Variants in SGSM1 observed in about 807,000 individuals in gnomAD.
SGSM1 encodes the protein small G protein signaling modulator 1.
SGSM1 carries 73 observed loss-of-function variants against 133.8 expected under a neutral mutation model. That is an observed-to-expected ratio of 0.55 (90% CI 0.45 to 0.66). The LOEUF is 0.66. SGSM1 is among the 30% of genes least tolerant of loss of function. The pLI, the probability that SGSM1 is intolerant of heterozygous loss-of-function variation, is 0.00. For synonymous variants in SGSM1, 563 were observed against 573.0 expected (o/e 0.98, Z 0.25); for missense variants, 1,213 against 1,448.1 (o/e 0.84, Z 2.64).
intron 6 of SGSM1, 29 bp downstream of exon 6, chr22:24,855,092 CT>C (rs758598322): frequency 1.9e-6 from 3 of 1,607,368 alleles, no homozygotes; most frequent in Admixed American, 1.7e-5. Flanking sequence ...TGAGCTTCAT[CT>C]AGACCCGTGG....
chr22:24,872,248 G>A (rs16979118), intron 12 of SGSM1, among the ~76,000 whole-genome samples: 22,334 of 152,154 alleles, frequency 0.15, 2,196 homozygotes, highest in African/African-American at 0.28. Context: ...CATCAGACCT[G>A]TCTCCGCTGG....
intron 22 of SGSM1, among the ~76,000 whole-genome samples, chr22:24,913,680 T>A (rs527865363): frequency 1.1e-4 from 16 of 152,220 alleles, no homozygotes; most frequent in African/African-American, 3.9e-4. Flanking sequence ...AAAAGAGTAA[T>A]ATAATGAACA....
At position 24,898,566 on chromosome 22, in the gene SGSM1, C is replaced by A; in HGVS notation, c.2610+7C>A. 1 of 1,585,210 alleles carries A rather than the reference C, an allele frequency of 6.3e-7. No homozygotes were observed. Among genetic ancestry groups the A allele is most frequent in the Non-Finnish European group, 8.6e-7 (1 of 1,164,710 alleles). ...CAGCGGCGTCACCTACTCTGTAAGT[C>A]ACCAGGACCCTCCGTTCCATTTCCT... is the stretch of plus-strand genomic sequence containing the variant. On this transcript the variant is annotated splice_region_variant and intron_variant, in intron 19 of 24. Coordinates refer to ENST00000400358, the MANE Select transcript of SGSM1 (RefSeq NM_001098497.3).
At chr22:24,888,228 G>A (rs866282709) in intron 16 of SGSM1, among the ~76,000 whole-genome samples, 52 of 152,064 alleles carry the variant, frequency 3.4e-4, no homozygotes, top group Admixed American at 2.0e-3. Context: ...TTCCTTTTAT[G>A]AATTGTGCTT....
At chr22:24,831,981 C>T (rs1441914790) in intron 2 of SGSM1, among the ~76,000 whole-genome samples, 2 of 152,222 alleles carry the variant, frequency 1.3e-5, no homozygotes, top group African/African-American at 4.8e-5. Context: ...GTGCATCATT[C>T]ATCCCACCCA....
chr22:24,893,583 G>A lies in SGSM1; in HGVS notation c.1923G>A (p.Met641Ile), dbSNP rs1295487116. ...GCTTGGACAGCCACCTGCACCGGAT[G>A]TTGCACAGGGACTCAACCATCAGCA... ...GASLDSHLHR[M>I]LHRDSTISNE... The change falls in exon 17 of 25, where the codon ATG becomes ATA. Residue 641 changes from methionine to isoleucine, a missense_variant. By Grantham distance (10) the Met-to-Ile change is conservative (BLOSUM62 1). Transcript: ENST00000400358. 3.2e-6 allele frequency: 5 copies of A among 1,586,656 alleles called. No individual in the cohort carries two copies. Among genetic ancestry groups the A allele is most frequent in the East Asian group, 2.2e-5 (1 of 44,702 alleles).
At chr22:24,900,414 T>TCTTCTTTCTTTCTTTCTTTC (rs1484572431) in intron 19 of SGSM1, among the ~76,000 whole-genome samples, 1 of 146,266 alleles carries the variant, frequency 6.8e-6, no homozygotes, top group African/African-American at 2.6e-5. Flanking sequence ...TTTCTGTATT[T>TCTTCTTTCTTTCTTTCTTTC]TTGAGACAGA....
At position 24,834,332 on chromosome 22, in the gene SGSM1, A is replaced by G. The variant is rs570716088; in HGVS notation, c.64-10565A>G. ...GAAGTAGACCAGCCTGCTGGAGCCAAACATTCTTGTGCAGGGTTGGCCCTC... is the reference window on the plus strand; with the variant it reads ...GAAGTAGACCAGCCTGCTGGAGCCAGACATTCTTGTGCAGGGTTGGCCCTC... On this transcript the variant is annotated intron_variant, in intron 2 of 24. Transcript: ENST00000400358. 5.3e-5 allele frequency among the ~76,000 whole-genome samples: 8 copies of G among 152,362 alleles called. No individual in the cohort carries two copies. The East Asian group carries it at 1.3e-3, about 26-fold the overall frequency.
chr22:24,818,236 A>T lies in SGSM1; in HGVS notation c.63+11752A>T, dbSNP rs563257508. Among the ~76,000 whole-genome samples, 796 of 148,962 alleles carry T rather than the reference A, an allele frequency of 5.3e-3. 9 individuals are homozygous for T. Among genetic ancestry groups the T allele is most frequent in the African/African-American group, 0.018 (714 of 40,134 alleles). On this transcript the variant is annotated intron_variant, in intron 2 of 24. Transcript: ENST00000400358. ...AACAGAGCAAGACTCTGTCTCAAAA[A>T]AAAAAAAAATAAAATAAAATAAAAC...
intron 5 of SGSM1, among the ~76,000 whole-genome samples, chr22:24,851,408 C>T (rs1035286510): frequency 2.2e-5 from 3 of 139,176 alleles, no homozygotes; most frequent in Admixed American, 7.4e-5. Flanking sequence ...GCATGCCTCT[C>T]CAGCCCCCAA....
chr22:24,887,901 G>C (rs1489287280), intron 16 of SGSM1, among the ~76,000 whole-genome samples: 1 of 152,234 alleles, frequency 6.6e-6, no homozygotes, highest in African/African-American at 2.4e-5. Flanking sequence ...ACCTGACATG[G>C]ATAATTGATA....
chr22:24,875,489 T>C (rs1485828664), intron 12 of SGSM1, among the ~76,000 whole-genome samples: 1 of 152,034 alleles, frequency 6.6e-6, no homozygotes, highest in Non-Finnish European at 1.5e-5. Flanking sequence ...CACTAAAATA[T>C]TTACTAGCTG....
rs916518842 is a variant in SGSM1 at position 24,853,139 on chromosome 22, G to A, written c.456-1857G>A. Among the ~76,000 whole-genome samples, 3 of 152,168 alleles carry A rather than the reference G, an allele frequency of 2.0e-5. No homozygotes were observed. In the East Asian group the frequency reaches 5.8e-4, roughly 29 times the overall value. On this transcript the variant is annotated intron_variant, in intron 5 of 24. Transcript: ENST00000400358. ...GCTGAGGACCAAAGCTCAGAGAGGG[G>A]TGTCACTTGCCCAGTGACACACAGC...
Position 24,825,614 on chromosome 22 carries a change from G to T in SGSM1, c.63+19130G>T, listed in dbSNP as rs138250938. ...CTGGCTAATTTTTGTATTTTTAGTA[G>T]AGACGGGGTGTTACCGTATTGGCCA... is the stretch of plus-strand genomic sequence containing the variant. On this transcript the variant is annotated intron_variant, in intron 2 of 24. Transcript: ENST00000400358. Among the ~76,000 whole-genome samples, 169 of 152,194 alleles carry T rather than the reference G, an allele frequency of 1.1e-3. 3 individuals carry two copies. The East Asian group carries it at 0.029, about 26-fold the overall frequency.
intron 2 of SGSM1, 22 bp downstream of exon 2, chr22:24,806,506 C>T: frequency 6.7e-7 from 1 of 1,494,696 alleles, no homozygotes. Context: ...GGTGGGGGCA[C>T]TGGGCAGGAC....
At chr22:24,833,038 G>A (rs1929207690) in intron 2 of SGSM1, among the ~76,000 whole-genome samples, 1 of 151,660 alleles carries the variant, frequency 6.6e-6, no homozygotes, top group South Asian at 2.1e-4. Context: ...GGGTTCAAGC[G>A]ATTCTCCTGC....
Position 24,887,045 on chromosome 22 carries a change from A to G in SGSM1, c.1770+317A>G, listed in dbSNP as rs544092180. The stretch of plus-strand genomic sequence containing the variant: ...TAAGGTAGTAAAATATCGGAACCAG[A>G]AGATTGACATGGTATAATATACTCA... On this transcript the variant is annotated intron_variant, in intron 16 of 24. Transcript: ENST00000400358. Among the ~76,000 whole-genome samples, 3 of 152,124 alleles carry G rather than the reference A, an allele frequency of 2.0e-5. No homozygotes were observed. In the East Asian group the frequency reaches 5.8e-4, roughly 29 times the overall value.
At chr22:24,901,223 T>C (rs747060097) in intron 19 of SGSM1, 2 of 152,114 alleles carry the variant, frequency 1.3e-5, no homozygotes, top group Non-Finnish European at 2.9e-5. Flanking sequence ...GGGCAGGCAA[T>C]TGTTTTGAGA....
At chr22:24,868,653 A>G in intron 11 of SGSM1, 70 bp from the exon 12 acceptor site, 2 of 1,608,442 alleles carry the variant, frequency 1.2e-6, no homozygotes, top group Admixed American at 1.7e-5. Context: ...CTCCACTGAT[A>G]CCCTCAGACT....
Sources: gnomAD v4.1 joint callset for allele counts (sites outside exome capture counted in the v4.1 genomes callset) on GRCh38, gnomAD v4.1.1 for gene constraint, MANE v1.5 for transcripts, NCBI Gene and HGNC (gene_info 2026-07-23, HGNC 2026-07-21) for gene names.